The following OPCML variants were observed in gnomAD, a reference collection of about 807,000 sequenced individuals.
OPCML encodes opioid binding protein/cell adhesion molecule like, also known as opioid-binding protein/cell adhesion molecule.
In OPCML, 13 loss-of-function variants were observed where a neutral mutation model predicts 37.8. The observed-to-expected ratio is 0.34, with a 90% CI of 0.22 to 0.55. The LOEUF (loss-of-function observed/expected upper bound fraction) is 0.55, where lower values mean the gene tolerates loss of function less well. OPCML is among the 20% of genes least tolerant of loss of function. The probability of loss-of-function intolerance (pLI) is 0.91; values close to 1 mark genes in which losing one functional copy is unlikely to be tolerated. For missense variants in OPCML, 341 were observed against 435.6 expected, an observed-to-expected ratio of 0.78 and a Z score of 1.93; for synonymous variants, 176 against 168.8, an observed-to-expected ratio of 1.04 and a Z score of -0.33.
intron 1 of OPCML, among the ~76,000 whole-genome samples, chr11:133,201,556 A>T (rs1398240793): frequency 6.6e-6 from 1 of 152,214 alleles, no homozygotes; most frequent in Admixed American, 6.5e-5. Flanking sequence ...GCATGAGAGC[A>T]AGAGGCTGAC....
chr11:133,147,875 T>C (rs147931361), intron 1 of OPCML, among the ~76,000 whole-genome samples: 1,695 of 152,318 alleles, frequency 0.011, 16 homozygotes, highest in Middle Eastern at 0.034. Context: ...AAAGACGGAA[T>C]GATGATGGCA....
rs550292139 is a variant in OPCML at position 132,646,630 on chromosome 11, G to A, written c.379+10457C>T. On this transcript the variant is annotated intron_variant, in intron 3 of 7. Coordinates refer to ENST00000524381, the MANE Select transcript of OPCML (RefSeq NM_001012393.5). ...TGGGAACGGAAAGGGAGAGAATGAC[G>A]TTATTGGACATGACATTTGCTTTGA... Among the ~76,000 whole-genome samples, 55 of 152,260 alleles carry A rather than the reference G, an allele frequency of 3.6e-4. 2 individuals carry two copies. The highest frequency in any genetic ancestry group is 1.1e-3 in the African/African-American group (47 of 41,562).
At chr11:133,354,295 G>GTGA (rs1944224799) in intron 1 of OPCML, among the ~76,000 whole-genome samples, 1 of 6,084 alleles carries the variant, frequency 1.6e-4, no homozygotes, top group Non-Finnish European at 3.9e-4. Flanking sequence ...GGTGGTGCTG[G>GTGA]TGGTGGTGAC....
chr11:133,257,195 T>C (rs1354027217), intron 1 of OPCML, among the ~76,000 whole-genome samples: 1 of 152,210 alleles, frequency 6.6e-6, no homozygotes, highest in Non-Finnish European at 1.5e-5. Context: ...AAACCAGGTA[T>C]GAAAGAAGCA....
chr11:133,280,687 CAG>C (rs1942120876), intron 1 of OPCML, among the ~76,000 whole-genome samples: 1 of 152,108 alleles, frequency 6.6e-6, no homozygotes, highest in African/African-American at 2.4e-5. Context: ...AAAATAGTAA[CAG>C]TGCATATGGA....
intron 2 of OPCML, among the ~76,000 whole-genome samples, chr11:132,896,616 A>G (rs1943858159): frequency 6.6e-6 from 1 of 152,242 alleles, no homozygotes; most frequent in South Asian, 2.1e-4. Context: ...ACTGTCTTAC[A>G]TCAGAGATAT....
chr11:133,406,954 A>G (rs1945540151), intron 1 of OPCML, among the ~76,000 whole-genome samples: 1 of 152,244 alleles, frequency 6.6e-6, no homozygotes, highest in South Asian at 2.1e-4. Context: ...TTGATGGAAG[A>G]CAACCTGGAA....
intron 2 of OPCML, among the ~76,000 whole-genome samples, chr11:132,869,899 T>A (rs1381483021): frequency 3.3e-5 from 5 of 152,184 alleles, no homozygotes; most frequent in African/African-American, 1.2e-4. Context: ...GCTTCTTATG[T>A]TCATTTACAA....
At chr11:132,721,755 A>T in intron 2 of OPCML, among the ~76,000 whole-genome samples, 1 of 152,062 alleles carries the variant, frequency 6.6e-6, no homozygotes, top group East Asian at 1.9e-4. Flanking sequence ...GCTGTTGACG[A>T]AGACTGAATA....
chr11:133,294,787 C>CTT lies in OPCML; in HGVS notation c.61+237475_61+237476dup, dbSNP rs5795836. On this transcript the variant is annotated intron_variant, in intron 1 of 7. Transcript: ENST00000524381. ...GGGCAAACCTGCAAACAGAAACTTT[C>CTT]TTTTTTTTTTTCTTTCTTTCTTTCT... Among the ~76,000 whole-genome samples the CTT allele has an allele frequency of 6.5e-4, 71 of 109,334 alleles. No homozygotes were observed. In the East Asian group the frequency reaches 0.011, roughly 18 times the overall value. 71.7% of individuals were successfully genotyped at this position (109,334 alleles called of 152,430 possible). A position where few individuals can be genotyped will look rare whatever the true frequency, so the allele number is the denominator to read the frequency against.
rs555489818 is a variant in OPCML at position 133,206,827 on chromosome 11, A to T, written c.62-263817T>A. Among the ~76,000 whole-genome samples, 46 of 152,080 alleles carry T rather than the reference A, an allele frequency of 3.0e-4. No individual in the cohort carries two copies. The highest frequency in any genetic ancestry group is 6.8e-3 in the Middle Eastern group (2 of 294). ...TGCAGCACCCACGCTTACCCTCCAC[A>T]CTCTCACGATGTCCACACAGCTACG... is the stretch of plus-strand genomic sequence containing the variant. On this transcript the variant is annotated intron_variant, in intron 1 of 7. Transcript: ENST00000524381. This position sits in a 1 kb window ranked among gnomAD's most constrained non-coding sequence, Gnocchi z 4.7.
intron 3 of OPCML, among the ~76,000 whole-genome samples, chr11:132,591,806 TTA>T (rs2096484899): frequency 6.6e-6 from 1 of 152,228 alleles, no homozygotes; most frequent in African/African-American, 2.4e-5. Flanking sequence ...CTGAGAAATA[TTA>T]GCACATACAC....
intron 2 of OPCML, among the ~76,000 whole-genome samples, chr11:132,848,548 T>C (rs1941657606): frequency 6.6e-6 from 1 of 152,348 alleles, no homozygotes; most frequent in South Asian, 2.1e-4. Context: ...CAGGGAGACA[T>C]GCTGAAAGCA....
At chr11:132,537,312 G>A (rs899030010) in intron 3 of OPCML, among the ~76,000 whole-genome samples, 1 of 152,098 alleles carries the variant, frequency 6.6e-6, no homozygotes, top group African/African-American at 2.4e-5. Context: ...TTCCAACAAG[G>A]TGCCAAGTCA....
intron 1 of OPCML, among the ~76,000 whole-genome samples, chr11:132,991,948 TGA>T (rs1357155775): frequency 8.9e-6 from 1 of 112,436 alleles, no homozygotes; most frequent in East Asian, 2.4e-4. Flanking sequence ...ACAGCATGTG[TGA>T]GAGGGTTTGG....
chr11:132,737,246 A>G (rs34910457), intron 2 of OPCML, among the ~76,000 whole-genome samples: 44,559 of 152,106 alleles, frequency 0.29, 6,759 homozygotes, highest in Non-Finnish European at 0.33. Context: ...CAGAGATCTC[A>G]CACCTCTTTT....
intron 2 of OPCML, among the ~76,000 whole-genome samples, chr11:132,727,751 T>A (rs75308943): frequency 6.6e-6 from 1 of 152,174 alleles, no homozygotes; most frequent in African/African-American, 2.4e-5. Context: ...ACTCATGGAA[T>A]AAAATATCCT....
chr11:133,489,695 A>G (rs1041380179), intron 1 of OPCML, among the ~76,000 whole-genome samples: 9 of 152,160 alleles, frequency 5.9e-5, no homozygotes, highest in Non-Finnish European at 2.9e-5. Context: ...TATCTACCCA[A>G]AGGGAAATAA....
intron 1 of OPCML, among the ~76,000 whole-genome samples, chr11:132,975,316 G>A (rs979364663): frequency 9.9e-5 from 15 of 151,260 alleles, no homozygotes; most frequent in African/African-American, 3.2e-4. Context: ...GGCTATGGAA[G>A]TCCTCTCTGA....
Sources: gnomAD v4.1 joint callset for allele counts (sites outside exome capture counted in the v4.1 genomes callset) on GRCh38, gnomAD v4.1.1 for gene constraint, Gnocchi (gnomAD v3.1) non-coding constraint, MANE v1.5 for transcripts, NCBI Gene and HGNC (gene_info 2026-07-23, HGNC 2026-07-21) for gene names.